DPH6: variants seen among roughly 807,000 people sequenced by gnomAD.
The protein encoded by DPH6 is diphthamine biosynthesis 6.
A neutral mutation model predicts 38.2 loss-of-function variants in DPH6; 33 were observed. That is an observed-to-expected ratio of 0.86 (90% confidence interval 0.65 to 1.15). The LOEUF is 1.15. DPH6 is among the 50% of genes most tolerant of loss of function. The pLI is 0.00. For missense variants in DPH6, 325 were observed against 320.0 expected, an observed-to-expected ratio of 1.02 and a Z score of -0.12; for synonymous variants, 108 against 103.0, an observed-to-expected ratio of 1.05 and a Z score of -0.30.
the DPH6 span, among the ~76,000 whole-genome samples, chr15:35,186,016 G>A: frequency 6.6e-6 from 1 of 152,084 alleles, no homozygotes; most frequent in Non-Finnish European, 1.5e-5. Context: ...TTACAGGTGT[G>A]AGCCACTGCG....
intron 3 of DPH6, among the ~76,000 whole-genome samples, chr15:35,321,183 G>A (rs1051987939): frequency 4.6e-5 from 7 of 152,208 alleles, no homozygotes; most frequent in Admixed American, 4.6e-4. Context: ...AGGCAGTTTA[G>A]CTTTGGAGAG....
chr15:35,271,159 A>G (rs1282491255), intron 3 of DPH6, among the ~76,000 whole-genome samples: 1 of 152,198 alleles, frequency 6.6e-6, no homozygotes, highest in African/African-American at 2.4e-5. Context: ...TGTGTAACTA[A>G]CACTTATCCC....
chr15:35,217,110 A>T (rs1268510127), downstream of DPH6, among the ~76,000 whole-genome samples: 1 of 152,254 alleles, frequency 6.6e-6, no homozygotes, highest in African/African-American at 2.4e-5. Context: ...TGTTAAGTAG[A>T]GGAGGACAAA....
intron 3 of DPH6, among the ~76,000 whole-genome samples, chr15:35,235,811 T>A (rs1260046563): frequency 6.6e-6 from 1 of 152,234 alleles, no homozygotes; most frequent in African/African-American, 2.4e-5. Flanking sequence ...CTATATATAC[T>A]GTGGTAGATT....
chr15:35,521,161 C>T, intron 3 of DPH6: 1 of 985,242 alleles, frequency 1.0e-6, no homozygotes, highest in South Asian at 4.7e-5. Context: ...TACTTTTTAA[C>T]TGAAATGCTA....
chr15:35,446,717 A>G (rs1023376243), intron 5 of DPH6, among the ~76,000 whole-genome samples: 1 of 152,086 alleles, frequency 6.6e-6, no homozygotes, highest in African/African-American at 2.4e-5. Context: ...TTAACTGTGC[A>G]GGGGGTTGGT....
At chr15:35,329,763 C>T (rs1410862125), downstream of DPH6, among the ~76,000 whole-genome samples, 2 of 152,140 alleles carry the variant, frequency 1.3e-5, no homozygotes, top group Non-Finnish European at 2.9e-5. Flanking sequence ...AAGGCCAAAA[C>T]CCCATAGGAA....
At chr15:35,242,018 A>T (rs1401862505) in intron 3 of DPH6, among the ~76,000 whole-genome samples, 1 of 143,836 alleles carries the variant, frequency 7.0e-6, no homozygotes, top group Non-Finnish European at 1.5e-5. Flanking sequence ...TCTGTTCTGG[A>T]TCTCAAACGT....
intron 6 of DPH6, among the ~76,000 whole-genome samples, chr15:35,384,444 T>G (rs548301106): frequency 1.3e-5 from 2 of 152,280 alleles, no homozygotes; most frequent in South Asian, 4.1e-4. Flanking sequence ...TAGAGAGAAC[T>G]TCAAGGCCGA....
chr15:35,521,160 A>G, intron 3 of DPH6: 3 of 985,324 alleles, frequency 3.0e-6, no homozygotes, highest in Non-Finnish European at 3.6e-6. Context: ...TTACTTTTTA[A>G]CTGAAATGCT....
At chr15:35,339,720 C>G (rs2052405494) in intron 3 of DPH6, among the ~76,000 whole-genome samples, 4 of 152,114 alleles carry the variant, frequency 2.6e-5, no homozygotes. Context: ...ATCCCAAATT[C>G]TAATTTGATT....
At chr15:35,384,606 T>C (rs937674415) in intron 6 of DPH6, among the ~76,000 whole-genome samples, 2 of 152,030 alleles carry the variant, frequency 1.3e-5, no homozygotes, top group Non-Finnish European at 2.9e-5. Context: ...GAGGTTGCAG[T>C]GAGCCGAGAT....
chr15:35,299,715 T>C (rs899405730), intron 3 of DPH6, among the ~76,000 whole-genome samples: 6 of 152,246 alleles, frequency 3.9e-5, no homozygotes, highest in African/African-American at 1.4e-4. Flanking sequence ...AAGACTTCCC[T>C]GACTCCCTAA....
chr15:35,313,819 A>G (rs1303122913), intron 3 of DPH6, among the ~76,000 whole-genome samples: 4 of 152,206 alleles, frequency 2.6e-5, no homozygotes, highest in African/African-American at 9.6e-5. Context: ...ACTTAAATCT[A>G]AGACCTGAAA....
intron 3 of DPH6, among the ~76,000 whole-genome samples, chr15:35,500,340 CT>C (rs2054610386): frequency 6.6e-6 from 1 of 152,134 alleles, no homozygotes; most frequent in East Asian, 1.9e-4. Flanking sequence ...ATACTCTCGC[CT>C]TGCAAATGTT....
At chr15:35,463,939 G>A (rs966594391) in intron 3 of DPH6, among the ~76,000 whole-genome samples, 5 of 152,156 alleles carry the variant, frequency 3.3e-5, no homozygotes, top group African/African-American at 1.2e-4. Context: ...AAACAGCACA[G>A]TCGATGTTCT....
chr15:35,314,711 A>C (rs535860518), intron 3 of DPH6, among the ~76,000 whole-genome samples: 2 of 152,326 alleles, frequency 1.3e-5, no homozygotes, highest in African/African-American at 4.8e-5. Context: ...ATTTGAAGCA[A>C]ATTGGAAAGG....
chr15:35,258,546 T>C (rs541372597), intron 3 of DPH6, among the ~76,000 whole-genome samples: 1 of 152,316 alleles, frequency 6.6e-6, no homozygotes, highest in African/African-American at 2.4e-5. Context: ...AGCTACAGGT[T>C]AGAAAGCTCT....
the DPH6 span, among the ~76,000 whole-genome samples, chr15:35,199,211 C>A: frequency 6.6e-6 from 1 of 152,220 alleles, no homozygotes; most frequent in East Asian, 1.9e-4. Context: ...CCACGCCCAG[C>A]GAATTTGTTG....
Sources: allele counts gnomAD v4.1 joint callset (sites outside exome capture counted in the v4.1 genomes callset), GRCh38; gene constraint gnomAD v4.1.1; transcripts MANE v1.5; gene names NCBI Gene and HGNC (gene_info 2026-07-23, HGNC 2026-07-21).